Variants in CCDC102B observed in about 807,000 individuals in gnomAD.
CCDC102B encodes the protein coiled-coil domain-containing protein 102B.
CCDC102B carries 75 observed loss-of-function variants against 57.4 expected under a neutral mutation model. That is an observed-to-expected ratio of 1.31 (90% CI 1.08 to 1.58). The LOEUF is 1.58. Ranked by LOEUF, CCDC102B falls within the 40% of genes most tolerant of loss-of-function variation. The pLI, the probability that CCDC102B is intolerant of heterozygous loss-of-function variation, is 0.00. For synonymous variants in CCDC102B, 206 were observed against 201.9 expected (o/e 1.02, Z -0.17); for missense variants, 636 against 582.6 (o/e 1.09, Z -0.94).
chr18:68,847,385 G>T (rs907552343), intron 4 of CCDC102B, among the ~76,000 whole-genome samples: 2 of 151,288 alleles, frequency 1.3e-5, no homozygotes, highest in African/African-American at 4.8e-5. Context: ...GACTGAAAAA[G>T]CTAATATTTA....
intron 3 of CCDC102B, among the ~76,000 whole-genome samples, chr18:68,845,333 C>T (rs1429204557): frequency 7.3e-5 from 11 of 151,590 alleles, no homozygotes; most frequent in Admixed American, 1.3e-4. Flanking sequence ...GAAATAGATC[C>T]GTATATTAGT....
At chr18:69,039,240 C>A (rs2052370772) in intron 7 of CCDC102B, among the ~76,000 whole-genome samples, 1 of 151,880 alleles carries the variant, frequency 6.6e-6, no homozygotes, top group Non-Finnish European at 1.5e-5. Context: ...ATATTAAGAT[C>A]CTACTCTGTG....
intron 6 of CCDC102B, among the ~76,000 whole-genome samples, chr18:68,912,640 T>G (rs2040916566): frequency 6.6e-6 from 1 of 152,212 alleles, no homozygotes; most frequent in Non-Finnish European, 1.5e-5. Context: ...TTGTATTGAT[T>G]GTTAAGAGGC....
At chr18:68,960,908 T>C (rs145035398) in intron 6 of CCDC102B, among the ~76,000 whole-genome samples, 35 of 152,290 alleles carry the variant, frequency 2.3e-4, no homozygotes, top group African/African-American at 8.2e-4. Context: ...CTGTCTTTCC[T>C]ATCTTGTTCA....
intron 6 of CCDC102B, among the ~76,000 whole-genome samples, chr18:68,998,967 C>CATATAT (rs377246950): frequency 4.3e-5 from 4 of 92,016 alleles, no homozygotes; most frequent in African/African-American, 1.4e-4. Context: ...ACATAATCAT[C>CATATAT]ATATATATAT....
intron 6 of CCDC102B, among the ~76,000 whole-genome samples, chr18:68,990,591 C>T (rs1599805184): frequency 6.6e-6 from 1 of 152,156 alleles, no homozygotes; most frequent in East Asian, 1.9e-4. Flanking sequence ...TCATTATATA[C>T]ATACAATTGT....
intron 6 of CCDC102B, among the ~76,000 whole-genome samples, chr18:68,997,319 G>T (rs1311604416): frequency 6.6e-6 from 1 of 151,992 alleles, no homozygotes; most frequent in Admixed American, 6.6e-5. Flanking sequence ...ATTCTAATTT[G>T]GTTGTTTGGC....
At chr18:68,862,849 C>T (rs1233127882) in intron 4 of CCDC102B, among the ~76,000 whole-genome samples, 1 of 151,880 alleles carries the variant, frequency 6.6e-6, no homozygotes, top group Non-Finnish European at 1.5e-5. Context: ...CTATAATGAA[C>T]CCCAACGTTT....
At chr18:68,902,892 T>C (rs1341982493) in intron 6 of CCDC102B, among the ~76,000 whole-genome samples, 1 of 152,158 alleles carries the variant, frequency 6.6e-6, no homozygotes, top group Non-Finnish European at 1.5e-5. Flanking sequence ...AGGAGATGGA[T>C]GAAGGATTGC....
intron 6 of CCDC102B, among the ~76,000 whole-genome samples, chr18:68,935,751 T>C (rs552450827): frequency 9.2e-5 from 14 of 152,024 alleles, no homozygotes; most frequent in African/African-American, 3.4e-4. Context: ...CCATTAGGGA[T>C]ACTGAGAATG....
chr18:68,794,763 T>A (rs2035573204), upstream of CCDC102B, among the ~76,000 whole-genome samples: 1 of 152,090 alleles, frequency 6.6e-6, no homozygotes, highest in Non-Finnish European at 1.5e-5. Context: ...AACCATGGTG[T>A]CGATGTACCC....
chr18:68,978,435 A>G (rs1183204014), intron 6 of CCDC102B, among the ~76,000 whole-genome samples: 1 of 152,060 alleles, frequency 6.6e-6, no homozygotes, highest in Non-Finnish European at 1.5e-5. Flanking sequence ...GATCAGAAAT[A>G]TGGAAATGAA....
At chr18:68,749,073 A>T (rs533689940) in intron 2 of CCDC102B, among the ~76,000 whole-genome samples, 1 of 152,180 alleles carries the variant, frequency 6.6e-6, no homozygotes, top group Non-Finnish European at 1.5e-5. Context: ...TTTGTCAAAG[A>T]TCACATGGTT....
At chr18:68,999,455 A>C (rs1387745169) in intron 6 of CCDC102B, among the ~76,000 whole-genome samples, 1 of 151,712 alleles carries the variant, frequency 6.6e-6, no homozygotes, top group African/African-American at 2.4e-5. Flanking sequence ...AAAAAAAAAA[A>C]AAAAACCCAG....
intron 1 of CCDC102B, among the ~76,000 whole-genome samples, chr18:68,803,499 C>T (rs1035880065): frequency 1.5e-4 from 23 of 152,162 alleles, no homozygotes; most frequent in African/African-American, 5.3e-4. Context: ...ATGTAAGATA[C>T]TTAACCACGA....
chr18:69,056,349 A>G (rs1203489660), downstream of CCDC102B, among the ~76,000 whole-genome samples: 1 of 152,078 alleles, frequency 6.6e-6, no homozygotes, highest in Non-Finnish European at 1.5e-5. Context: ...GATTTTCTAT[A>G]ATTCAAGATT....
chr18:68,852,449 C>T (rs2038171607), intron 4 of CCDC102B, among the ~76,000 whole-genome samples: 1 of 152,158 alleles, frequency 6.6e-6, no homozygotes, highest in Non-Finnish European at 1.5e-5. Context: ...ATAGCCTATG[C>T]ACAGCCTCTC....
chr18:68,836,684 A>C, intron 1 of CCDC102B, 65 bp from the exon 2 acceptor site: 2 of 747,678 alleles, frequency 2.7e-6, no homozygotes, highest in Non-Finnish European at 4.1e-6. Context: ...AAAAAAGTGT[A>C]GGTCTTGTTC....
chr18:68,832,540 C>T (rs1356691214), intron 1 of CCDC102B, among the ~76,000 whole-genome samples: 4 of 151,954 alleles, frequency 2.6e-5, no homozygotes, highest in Non-Finnish European at 2.9e-5. Context: ...TTTCAGCAGC[C>T]GGAAACCTTG....
Sources: allele counts gnomAD v4.1 joint callset (sites outside exome capture counted in the v4.1 genomes callset), GRCh38; gene constraint gnomAD v4.1.1; transcripts MANE v1.5; gene names NCBI Gene and HGNC (gene_info 2026-07-23, HGNC 2026-07-21).